RPTOR: variants seen among roughly 807,000 people sequenced by gnomAD.
RPTOR encodes the protein regulatory associated protein of MTOR complex 1.
A neutral mutation model predicts 169.9 loss-of-function variants in RPTOR; 21 were observed. The ratio of observed to expected loss-of-function variants is 0.12; its 90% CI spans 0.09 to 0.18. The LOEUF (loss-of-function observed/expected upper bound fraction) is 0.18. Ranked by LOEUF, RPTOR falls within the 10% of genes least tolerant of loss-of-function variation. RPTOR has a pLI of 1.00. For synonymous variants in RPTOR, 732 were observed against 753.2 expected (o/e 0.97, Z 0.46); for missense variants, 1,133 against 1,855.9 (o/e 0.61, Z 7.16).
chr17:80,916,508 G>A (rs945434193), intron 21 of RPTOR, among the ~76,000 whole-genome samples: 3 of 152,254 alleles, frequency 2.0e-5, no homozygotes, highest in Non-Finnish European at 4.4e-5. Flanking sequence ...CCTTTGGCAG[G>A]TGTGAGATGC....
chr17:80,760,543 C>G (rs369715142), intron 6 of RPTOR, among the ~76,000 whole-genome samples: 8 of 152,122 alleles, frequency 5.3e-5, no homozygotes, highest in African/African-American at 1.9e-4. Context: ...CTCAGGTGAT[C>G]CGCCCGCCTC....
intron 24 of RPTOR, among the ~76,000 whole-genome samples, chr17:80,937,016 G>A (rs2068963065): frequency 6.6e-6 from 1 of 152,188 alleles, no homozygotes; most frequent in Non-Finnish European, 1.5e-5. Flanking sequence ...TGCTGCCTCT[G>A]TCCACGGAGG....
chr17:80,871,257 C>T (rs2068049055), intron 13 of RPTOR, among the ~76,000 whole-genome samples: 1 of 152,198 alleles, frequency 6.6e-6, no homozygotes, highest in Admixed American at 6.5e-5. Context: ...AGGCGCCCGC[C>T]ACCACGCCCG....
intron 6 of RPTOR, among the ~76,000 whole-genome samples, chr17:80,788,208 T>C (rs1195102655): frequency 4.6e-5 from 7 of 152,302 alleles, no homozygotes; most frequent in East Asian, 1.9e-4. Flanking sequence ...GGTGGTGGCT[T>C]ACACCTGTAA....
intron 7 of RPTOR, among the ~76,000 whole-genome samples, chr17:80,811,344 G>A (rs1452376155): frequency 1.3e-5 from 2 of 152,166 alleles, no homozygotes; most frequent in Non-Finnish European, 2.9e-5. Flanking sequence ...GGAGGGGATC[G>A]TACAGCTGTT....
intron 11 of RPTOR, among the ~76,000 whole-genome samples, chr17:80,851,542 T>C (rs1251960705): frequency 6.6e-6 from 1 of 152,274 alleles, no homozygotes; most frequent in Admixed American, 6.5e-5. Context: ...ATACTCTTTA[T>C]TGACGATGTT....
intron 17 of RPTOR, among the ~76,000 whole-genome samples, chr17:80,888,415 C>G (rs143210541): frequency 2.8e-4 from 42 of 152,350 alleles, no homozygotes; most frequent in Admixed American, 2.0e-4. Context: ...CTGCTCGGGC[C>G]TGCTGTGGTC....
intron 2 of RPTOR, among the ~76,000 whole-genome samples, chr17:80,634,067 CTA>C (rs2065462282): frequency 6.8e-6 from 1 of 148,048 alleles, no homozygotes; most frequent in African/African-American, 2.4e-5. Context: ...TGTGTGCATA[CTA>C]TGTATGTGTG....
intron 3 of RPTOR, among the ~76,000 whole-genome samples, chr17:80,693,371 G>C (rs1159010613): frequency 6.6e-6 from 1 of 152,234 alleles, no homozygotes; most frequent in African/African-American, 2.4e-5. Flanking sequence ...GGGTTCATTG[G>C]GGGGATTCTG....
rs138309870 is a variant in RPTOR at position 80,788,782 on chromosome 17, C to T, written c.831-2668C>T. 7.2e-5 allele frequency among the ~76,000 whole-genome samples: 11 copies of T among 152,268 alleles called. No individual in the cohort carries two copies. In the East Asian group the frequency reaches 2.1e-3, roughly 29 times the overall value. ...CGCCAAATAATAAGCACTAAATAAGCAACAGCTGTGTTATATTATCATTAT... is the reference window on the plus strand; with the variant it reads ...CGCCAAATAATAAGCACTAAATAAGTAACAGCTGTGTTATATTATCATTAT... On this transcript the variant is annotated intron_variant, in intron 6 of 33. Coordinates refer to ENST00000306801, the MANE Select transcript of RPTOR (RefSeq NM_020761.3).
At chr17:80,667,780 A>G (rs112323880) in intron 3 of RPTOR, among the ~76,000 whole-genome samples, 8,125 of 152,316 alleles carry the variant, frequency 0.053, 271 homozygotes, top group Non-Finnish European at 0.078. Context: ...TGCAGAGGTG[A>G]TTGGAAAGAT....
chr17:80,696,296 A>C (rs1486287950), intron 3 of RPTOR, among the ~76,000 whole-genome samples: 1 of 152,208 alleles, frequency 6.6e-6, no homozygotes, highest in Admixed American at 6.5e-5. Flanking sequence ...AATATTGAAA[A>C]CATTTAAAGA....
At chr17:80,689,188 A>G (rs1022983163) in intron 3 of RPTOR, among the ~76,000 whole-genome samples, 3 of 152,224 alleles carry the variant, frequency 2.0e-5, no homozygotes, top group African/African-American at 7.2e-5. Flanking sequence ...AAATCCTTTC[A>G]TCTCCCCAGA....
chr17:80,964,212 AGT>A, intron 33 of RPTOR, 48 bp from the exon 34 acceptor site: 17 of 666,344 alleles, frequency 2.6e-5, no homozygotes, highest in Non-Finnish European at 3.6e-5. Flanking sequence ...CGCCCCCCGC[AGT>A]GTCTGCCCGC....
At chr17:80,567,249 G>C (rs1405798510) in intron 1 of RPTOR, among the ~76,000 whole-genome samples, 1 of 151,864 alleles carries the variant, frequency 6.6e-6, no homozygotes, top group Non-Finnish European at 1.5e-5. Flanking sequence ...GGGATTACAG[G>C]TGTGAGCCAC....
At chr17:80,856,887 A>G (rs2067858899) in intron 12 of RPTOR, among the ~76,000 whole-genome samples, 1 of 152,314 alleles carries the variant, frequency 6.6e-6, no homozygotes, top group African/African-American at 2.4e-5. Context: ...GTATTTTTAC[A>G]GGTACAGATT....
chr17:80,671,450 A>T (rs2065821357), intron 3 of RPTOR, among the ~76,000 whole-genome samples: 1 of 152,068 alleles, frequency 6.6e-6, no homozygotes. Context: ...TTGACATTTG[A>T]TGTGTCTATT....
chr17:80,689,559 C>T (rs1261418141), intron 3 of RPTOR, among the ~76,000 whole-genome samples: 1 of 152,184 alleles, frequency 6.6e-6, no homozygotes, highest in Non-Finnish European at 1.5e-5. Context: ...AGATAGTTAG[C>T]GAGGAAGCGC....
chr17:80,585,942 G>C (rs1175434881), intron 1 of RPTOR, among the ~76,000 whole-genome samples: 1 of 151,680 alleles, frequency 6.6e-6, no homozygotes, highest in Non-Finnish European at 1.5e-5. Context: ...TCTCTGTTCA[G>C]AATTCCTCAA....
Sources: gnomAD v4.1 joint callset for allele counts (sites outside exome capture counted in the v4.1 genomes callset) on GRCh38, gnomAD v4.1.1 for gene constraint, MANE v1.5 for transcripts, NCBI Gene and HGNC (gene_info 2026-07-23, HGNC 2026-07-21) for gene names.